ARL15: variants seen among roughly 807,000 people sequenced by gnomAD.
The protein encoded by ARL15 is ARF like GTPase 15.
In ARL15, 19 loss-of-function variants were observed where a neutral mutation model predicts 25.2. The observed-to-expected ratio is 0.75, with a 90% CI of 0.53 to 1.10. The LOEUF (loss-of-function observed/expected upper bound fraction) is 1.10. ARL15 is among the 50% of genes least tolerant of loss of function. ARL15 has a pLI of 0.00. For missense variants in ARL15, 220 were observed against 246.0 expected (o/e 0.89, Z 0.71); for synonymous variants, 94 against 86.8 (o/e 1.08, Z -0.46).
chr5:53,901,929 A>G (rs1745079835), intron 4 of ARL15, among the ~76,000 whole-genome samples: 1 of 152,180 alleles, frequency 6.6e-6, no homozygotes, highest in African/African-American at 2.4e-5. Context: ...TACAGAAAAC[A>G]CGGTTTTCCC....
intron 4 of ARL15, among the ~76,000 whole-genome samples, chr5:53,999,439 A>C (rs1404719819): frequency 6.6e-6 from 1 of 151,320 alleles, no homozygotes; most frequent in East Asian, 2.0e-4. Context: ...AAATACAAAA[A>C]ATTAGCCAGG....
At chr5:54,111,306 C>A (rs889693876) in intron 4 of ARL15, among the ~76,000 whole-genome samples, 1 of 151,994 alleles carries the variant, frequency 6.6e-6, no homozygotes, top group African/African-American at 2.4e-5. Context: ...CAGACCATAT[C>A]TATGACAACG....
chr5:53,936,905 A>C (rs1405207749), intron 4 of ARL15, among the ~76,000 whole-genome samples: 1 of 152,214 alleles, frequency 6.6e-6, no homozygotes, highest in African/African-American at 2.4e-5. Flanking sequence ...AAAAAGACTA[A>C]ACTAATCCCA....
intron 4 of ARL15, among the ~76,000 whole-genome samples, chr5:54,095,613 TAGAC>T (rs1407851588): frequency 1.3e-5 from 2 of 152,244 alleles, no homozygotes; most frequent in African/African-American, 2.4e-5. Context: ...AAAACAAAGA[TAGAC>T]AGGACAGTAA....
chr5:54,083,395 T>A (rs79096530), intron 4 of ARL15, among the ~76,000 whole-genome samples: 5,557 of 152,264 alleles, frequency 0.036, 351 homozygotes, highest in African/African-American at 0.13. Flanking sequence ...CTCTTAAATA[T>A]TCTATGCAAT....
chr5:53,900,257 A>G (rs1352530657), intron 4 of ARL15, among the ~76,000 whole-genome samples: 2 of 152,246 alleles, frequency 1.3e-5, no homozygotes, highest in Non-Finnish European at 2.9e-5. Context: ...ATGAAGAAAT[A>G]GCCAAGAAAA....
intron 2 of ARL15, among the ~76,000 whole-genome samples, chr5:54,168,879 G>A (rs1417111725): frequency 6.6e-6 from 1 of 152,066 alleles, no homozygotes; most frequent in Non-Finnish European, 1.5e-5. Flanking sequence ...ACAGAGCCTG[G>A]AGTATATTAA....
chr5:53,888,437 C>A (rs1477275936), intron 4 of ARL15, among the ~76,000 whole-genome samples: 1 of 152,022 alleles, frequency 6.6e-6, no homozygotes, highest in Non-Finnish European at 1.5e-5. Context: ...CACGCCACAA[C>A]AACTGGCTAA....
At chr5:54,047,284 G>A (rs1240476695) in intron 4 of ARL15, among the ~76,000 whole-genome samples, 3 of 152,162 alleles carry the variant, frequency 2.0e-5, no homozygotes. Flanking sequence ...AAGGGAGATT[G>A]ACTTGTTCAT....
intron 4 of ARL15, among the ~76,000 whole-genome samples, chr5:53,995,025 G>C (rs1301343927): frequency 2.0e-5 from 3 of 151,994 alleles, no homozygotes; most frequent in Non-Finnish European, 4.4e-5. Flanking sequence ...AAAAGTAACT[G>C]GGAGGCTGGG....
intron 4 of ARL15, among the ~76,000 whole-genome samples, chr5:54,053,739 C>G (rs573328529): frequency 3.9e-5 from 6 of 152,256 alleles, no homozygotes; most frequent in Admixed American, 3.9e-4. Flanking sequence ...CAGTACACCT[C>G]AAAACTGTCA....
intron 1 of ARL15, among the ~76,000 whole-genome samples, chr5:54,201,342 TTCAGAGTC>T (rs1755717009): frequency 6.6e-6 from 1 of 152,136 alleles, no homozygotes; most frequent in Admixed American, 6.6e-5. Context: ...CTTTTGTGTT[TTCAGAGTC>T]TGAGATATGA....
intron 4 of ARL15, among the ~76,000 whole-genome samples, chr5:54,107,494 G>T (rs1028062290): frequency 7.2e-5 from 11 of 152,038 alleles, no homozygotes; most frequent in Non-Finnish European, 1.6e-4. Context: ...ATGAAACTTC[G>T]ATAGGAAGTT....
In ARL15 at chr5:54,281,413, C is replaced by A. The variant is rs994016856; in HGVS notation, c.48+29019G>T. 1.4e-4 allele frequency among the ~76,000 whole-genome samples: 22 copies of A among 152,234 alleles called. 1 individual carries two copies. The highest frequency in any genetic ancestry group is 5.1e-4 in the African/African-American group (21 of 41,460). On this transcript the variant is annotated intron_variant, in intron 1 of 4. Transcript: ENST00000504924. ...AAGTGCTGGGATTACAGGCGTGAGC[C>A]ACCAGGCCTGGCCTACTATAACTTT...
intron 3 of ARL15, among the ~76,000 whole-genome samples, chr5:54,132,570 C>CT (rs941799784): frequency 3.3e-5 from 5 of 151,818 alleles, no homozygotes; most frequent in African/African-American, 4.8e-5. Flanking sequence ...TTATATGGTA[C>CT]TTTTTTTTCT....
intron 1 of ARL15, among the ~76,000 whole-genome samples, chr5:54,196,341 T>G (rs762128239): frequency 6.6e-6 from 1 of 152,002 alleles, no homozygotes; most frequent in Non-Finnish European, 1.5e-5. Flanking sequence ...ACACTCAAAT[T>G]TGAGAGCCAG....
chr5:54,014,269 T>G (rs1333814770), intron 4 of ARL15, among the ~76,000 whole-genome samples: 1 of 152,142 alleles, frequency 6.6e-6, no homozygotes, highest in African/African-American at 2.4e-5. Flanking sequence ...AGAGATTTTT[T>G]CCCACTCTAC....
intron 4 of ARL15, among the ~76,000 whole-genome samples, chr5:53,965,490 A>G (rs1455332976): frequency 6.6e-6 from 1 of 152,172 alleles, no homozygotes; most frequent in Non-Finnish European, 1.5e-5. Context: ...AGATTTCAAA[A>G]TCCTGAGGTG....
At chr5:54,074,985 C>T (rs1561213767) in intron 4 of ARL15, among the ~76,000 whole-genome samples, 1 of 138,950 alleles carries the variant, frequency 7.2e-6, no homozygotes, top group East Asian at 2.1e-4. Context: ...CCACAAGACA[C>T]AAAAACTCTA....
Sources: gnomAD v4.1 joint callset for allele counts (sites outside exome capture counted in the v4.1 genomes callset) on GRCh38, gnomAD v4.1.1 for gene constraint, MANE v1.5 for transcripts, NCBI Gene and HGNC (gene_info 2026-07-23, HGNC 2026-07-21) for gene names.